ASH2L: variants seen among roughly 807,000 people sequenced by gnomAD.
ASH2L encodes set1/Ash2 histone methyltransferase complex subunit ASH2.
ASH2L carries 30 observed loss-of-function variants against 81.1 expected under a neutral mutation model. That is an observed-to-expected ratio of 0.37 (90% CI 0.28 to 0.50). The LOEUF (loss-of-function observed/expected upper bound fraction) is 0.50, where lower values mean the gene tolerates loss of function less well. Among genes scored for constraint, ASH2L ranks in the 20% least tolerant of loss-of-function variants. The pLI, the probability that ASH2L is intolerant of heterozygous loss-of-function variation, is 0.95. For synonymous variants in ASH2L, 273 were observed against 279.9 expected (o/e 0.98, Z 0.24); for missense variants, 559 against 792.1 (o/e 0.71, Z 3.53).
chr8:38,107,256 A>C, intron 3 of ASH2L, 90 bp downstream of exon 3: 3 of 1,531,800 alleles, frequency 2.0e-6, no homozygotes, highest in Non-Finnish European at 2.7e-6. Context: ...AATAAATGCA[A>C]AGTATTTCCT....
chr8:38,121,218 C>G, intron 10 of ASH2L, 69 bp downstream of exon 10: 1 of 1,413,300 alleles, frequency 7.1e-7, no homozygotes, highest in Non-Finnish European at 1.0e-6. Context: ...CCTTGTCAGT[C>G]TAGAATTAGG....
At chr8:38,120,618 T>TTCCCCCCCCCCCCCCCCCC in intron 9 of ASH2L, among the ~76,000 whole-genome samples, 1 of 4,582 alleles carries the variant, frequency 2.2e-4, no homozygotes, top group Non-Finnish European at 1.7e-3. Flanking sequence ...TCTCCTCCCT[T>TTCCCCCCCCCCCCCCCCCC]CCCCCCCCCC....
chr8:38,119,373 G>GTGCCCACCC lies in ASH2L; in HGVS notation c.947+16_947+24dup. On this transcript the variant is annotated intron_variant, in intron 9 of 15. Transcript: ENST00000343823. Reference sequence around the variant, plus strand: ...CCAAGAAGGCCCGGAGGTGGGGAGAGTGCCCACCCTGCCCCCCTCACTATT... The same window carrying GTGCCCACCC: ...CCAAGAAGGCCCGGAGGTGGGGAGAGTGCCCACCCTGCCCACCCTGCCCCCCTCACTATT... 1 of 1,520,020 alleles carries GTGCCCACCC rather than the reference G, an allele frequency of 6.6e-7. No homozygotes were observed. The highest frequency in any genetic ancestry group is 8.8e-7 in the Non-Finnish European group (1 of 1,133,358). The allele number at this position is 1,520,020 out of a possible 1,614,324, so 94.2% of individuals were successfully genotyped here. A position where few individuals can be genotyped will look rare whatever the true frequency, so the allele number is the denominator to read the frequency against.
intron 10 of ASH2L, among the ~76,000 whole-genome samples, chr8:38,128,045 CA>C (rs11417823): frequency 5.4e-5 from 8 of 148,632 alleles, no homozygotes; most frequent in African/African-American, 1.5e-4. Flanking sequence ...GACTCCATCT[CA>C]AAAAAAAAAA....
intron 10 of ASH2L, among the ~76,000 whole-genome samples, chr8:38,125,753 T>C (rs1203886552): frequency 6.6e-6 from 1 of 152,120 alleles, no homozygotes; most frequent in Non-Finnish European, 1.5e-5. Context: ...AAAAGGAAAA[T>C]TGTCATTTAG....
At chr8:38,128,493 A>G in intron 11 of ASH2L, 35 bp downstream of exon 11, 1 of 1,604,588 alleles carries the variant, frequency 6.2e-7, no homozygotes, top group Non-Finnish European at 8.5e-7. Context: ...ATCACAGCAG[A>G]TAGAGAGGAT....
chr8:38,111,032 C>G (rs1296572478), intron 5 of ASH2L, among the ~76,000 whole-genome samples, 199 bp downstream of exon 5: 3 of 152,092 alleles, frequency 2.0e-5, no homozygotes, highest in African/African-American at 7.2e-5. Context: ...CCTCCTGGGT[C>G]CCAGAGATTC....
intron 10 of ASH2L, among the ~76,000 whole-genome samples, chr8:38,127,295 T>G (rs984260320): frequency 6.7e-6 from 1 of 149,718 alleles, no homozygotes; most frequent in African/African-American, 2.5e-5. Context: ...GTTGTGCGAC[T>G]GAGTAAGAGA....
chr8:38,107,264 C>T, intron 3 of ASH2L, 98 bp downstream of exon 3: 2 of 1,452,880 alleles, frequency 1.4e-6, no homozygotes, highest in Admixed American at 1.7e-5. Flanking sequence ...CAAAGTATTT[C>T]CTATGTCTCC....
intron 6 of ASH2L, 76 bp downstream of exon 6, chr8:38,114,363 CATT>C (rs991153221): frequency 5.5e-6 from 5 of 913,062 alleles, no homozygotes; most frequent in South Asian, 4.8e-5. Flanking sequence ...AATATCGTCT[CATT>C]GTGAAATGAT....
chr8:38,127,745 A>T (rs1478299882), intron 10 of ASH2L, among the ~76,000 whole-genome samples: 1 of 149,482 alleles, frequency 6.7e-6, no homozygotes, highest in African/African-American at 2.4e-5. Flanking sequence ...TCTGTCTCAA[A>T]AAAAAAAAAA....
At chr8:38,117,712 T>C (rs1349118872) in intron 8 of ASH2L, 1 of 152,546 alleles carries the variant, frequency 6.6e-6, no homozygotes, top group Non-Finnish European at 1.5e-5. Flanking sequence ...TTTGCTCTGT[T>C]CTGGTTGGAT....
intron 13 of ASH2L, among the ~76,000 whole-genome samples, chr8:38,135,003 C>T (rs1802198463): frequency 1.3e-5 from 2 of 151,330 alleles, no homozygotes; most frequent in South Asian, 2.1e-4. Context: ...TAAACAAGCA[C>T]GCTTAAACAG....
intron 10 of ASH2L, among the ~76,000 whole-genome samples, chr8:38,123,058 G>A (rs2130531365): frequency 1.4e-5 from 2 of 147,212 alleles, no homozygotes; most frequent in South Asian, 4.4e-4. Flanking sequence ...TATTTAATAT[G>A]CACATAAAGT....
intron 10 of ASH2L, among the ~76,000 whole-genome samples, chr8:38,122,820 T>TG (rs763485998): frequency 2.0e-5 from 3 of 152,226 alleles, no homozygotes; most frequent in Non-Finnish European, 4.4e-5. Context: ...CCTGGCTCAC[T>TG]GCAGCCTCAA....
At chr8:38,113,556 A>T (rs557203853) in intron 5 of ASH2L, among the ~76,000 whole-genome samples, 20 of 152,250 alleles carry the variant, frequency 1.3e-4, no homozygotes, top group African/African-American at 4.6e-4. Context: ...TGCAAGCAGG[A>T]GTTGGTGAGA....
At chr8:38,109,747 C>T (rs1379163116) in intron 3 of ASH2L, among the ~76,000 whole-genome samples, 1 of 152,168 alleles carries the variant, frequency 6.6e-6, no homozygotes, top group Non-Finnish European at 1.5e-5. Context: ...TAGTTATTTA[C>T]ATTTTTAATT....
In ASH2L at chr8:38,122,512, C is replaced by T. The variant is rs139651115; in HGVS notation, c.1165+1363C>T. On this transcript the variant is annotated intron_variant, in intron 10 of 15. Coordinates refer to ENST00000343823, the MANE Select transcript of ASH2L (RefSeq NM_004674.5). ...AGTAATAAAGTAAATAAACAAATAG[C>T]AATTAATATCTAGGTGTTAGGTGTG... The T allele has an allele frequency of 3.6e-4, 54 of 152,050 alleles. No individual in the cohort carries two copies. The East Asian group carries it at 9.1e-3, about 26-fold the overall frequency. 9.4% of individuals were successfully genotyped at this position (152,050 alleles called of 1,614,324 possible).
chr8:38,106,225 G>C (rs1810424398), intron 1 of ASH2L, 153 bp from the exon 2 acceptor site: 2 of 1,402,736 alleles, frequency 1.4e-6, no homozygotes, highest in Admixed American at 3.9e-5. Flanking sequence ...TCAGTATCCT[G>C]ACAGTACCTT....
Sources: gnomAD v4.1 joint callset for allele counts (sites outside exome capture counted in the v4.1 genomes callset) on GRCh38, gnomAD v4.1.1 for gene constraint, MANE v1.5 for transcripts, NCBI Gene and HGNC (gene_info 2026-07-23, HGNC 2026-07-21) for gene names.